Variants in KCNN2 observed in about 807,000 individuals in gnomAD.
KCNN2 encodes the protein small conductance calcium-activated potassium channel protein 2.
Under a neutral mutation model 55.5 loss-of-function variants are expected in KCNN2, and 24 were observed. The observed-to-expected ratio is 0.43, with a 90% CI of 0.31 to 0.61. The LOEUF (loss-of-function observed/expected upper bound fraction) is 0.61, where lower values mean the gene tolerates loss of function less well. Ranked by LOEUF, KCNN2 falls within the 20% of genes least tolerant of loss-of-function variation. KCNN2 has a pLI of 0.08. For synonymous variants in KCNN2, 431 were observed against 336.1 expected, an observed-to-expected ratio of 1.28 and a Z score of -3.09; for missense variants, 754 against 853.6, an observed-to-expected ratio of 0.88 and a Z score of 1.45.
intron 3 of KCNN2, among the ~76,000 whole-genome samples, chr5:114,454,473 C>A (rs538450543): frequency 6.6e-6 from 1 of 152,246 alleles, no homozygotes; most frequent in South Asian, 2.1e-4. Context: ...TTAGGGAATT[C>A]TTGATATTAT....
intron 2 of KCNN2, among the ~76,000 whole-genome samples, chr5:114,233,738 A>G (rs1271537669): frequency 1.3e-5 from 2 of 152,228 alleles, no homozygotes; most frequent in African/African-American, 4.8e-5. Context: ...ATGAGAACAC[A>G]ATGAGACTTT....
upstream of KCNN2, among the ~76,000 whole-genome samples, chr5:114,357,815 A>G (rs1305904443): frequency 5.3e-5 from 8 of 151,788 alleles, no homozygotes; most frequent in African/African-American, 1.7e-4. Context: ...GTATATACCC[A>G]GTAATGGGGT....
intron 2 of KCNN2, among the ~76,000 whole-genome samples, chr5:114,288,499 T>TACACACACACACACACACAC (rs1203371494): frequency 2.1e-5 from 3 of 139,548 alleles, no homozygotes; most frequent in African/African-American, 8.0e-5. Flanking sequence ...TATATATATA[T>TACACACACACACACACACAC]ACACACACAC....
At chr5:114,468,178 A>T (rs192779565) in intron 4 of KCNN2, among the ~76,000 whole-genome samples, 3 of 152,302 alleles carry the variant, frequency 2.0e-5, no homozygotes, top group Admixed American at 2.0e-4. Flanking sequence ...TTGTCATCAA[A>T]ACTTCCTTGA....
At chr5:114,378,643 C>A (rs919623617) in intron 2 of KCNN2, among the ~76,000 whole-genome samples, 19 of 152,058 alleles carry the variant, frequency 1.2e-4, no homozygotes, top group African/African-American at 3.6e-4. Flanking sequence ...GTAGTTGAAA[C>A]TTCTGGTGCC....
In KCNN2 at chr5:114,487,041, T is replaced by C. The variant is rs778534777; in HGVS notation, c.1891-9T>C. The C allele has an allele frequency of 6.2e-7, 1 of 1,612,784 alleles. No individual in the cohort carries two copies. The highest frequency in any genetic ancestry group is 1.1e-5 in the South Asian group (1 of 91,052). On this transcript the variant is annotated splice_polypyrimidine_tract_variant and intron_variant, in intron 5 of 7. Coordinates refer to ENST00000673685, the MANE Select transcript of KCNN2 (RefSeq NM_021614.4). Reference sequence around the variant, plus strand: ...AATTTATCAACTGCTTTGTTTGTTCTCTTAACAGGTAAAAAATGCAGCTGC... The same window carrying C: ...AATTTATCAACTGCTTTGTTTGTTCCCTTAACAGGTAAAAAATGCAGCTGC...
At chr5:114,146,769 A>G (rs900653047) in intron 1 of KCNN2, among the ~76,000 whole-genome samples, 4 of 152,206 alleles carry the variant, frequency 2.6e-5, no homozygotes, top group African/African-American at 9.6e-5. Context: ...ATTAGTATGA[A>G]TGAGTTGATG....
chr5:114,364,660 A>G (rs887791255), intron 2 of KCNN2, among the ~76,000 whole-genome samples: 9 of 150,416 alleles, frequency 6.0e-5, no homozygotes, highest in Admixed American at 2.0e-4. Flanking sequence ...AAATGCAGCC[A>G]GGAGCTCTAT....
chr5:114,295,556 C>T (rs1045934202), intron 2 of KCNN2, among the ~76,000 whole-genome samples: 5 of 152,140 alleles, frequency 3.3e-5, no homozygotes, highest in East Asian at 1.9e-4. Flanking sequence ...ATTGGAAAAG[C>T]GCAGTATTAG....
At chr5:114,272,098 C>T (rs925247112) in intron 2 of KCNN2, among the ~76,000 whole-genome samples, 5 of 152,030 alleles carry the variant, frequency 3.3e-5, no homozygotes, top group Admixed American at 3.3e-4. Context: ...TGATAAACAA[C>T]ACTATAGAAA....
chr5:114,316,319 T>C (rs1182183114), intron 2 of KCNN2, among the ~76,000 whole-genome samples: 7 of 152,158 alleles, frequency 4.6e-5, no homozygotes, highest in African/African-American at 1.7e-4. Flanking sequence ...ACTATTCTCT[T>C]AGAATCAAAG....
rs186133192 is a variant in KCNN2 at position 114,205,576 on chromosome 5, G to C, written c.-270-15904G>C. Among the ~76,000 whole-genome samples, 609 of 152,194 alleles carry C rather than the reference G, an allele frequency of 4.0e-3. 13 individuals are homozygous for C. Among genetic ancestry groups the C allele is most frequent in the Admixed American group, 0.037 (561 of 15,290 alleles). On this transcript the variant is annotated intron_variant, in intron 1 of 10. Transcript: ENST00000512097. ...ATAGAAGAGCAAAACAATAGAATTA[G>C]GACAAATGTAAATGAAATATTAAGC...
chr5:114,425,292 C>G (rs1486792353), intron 3 of KCNN2, among the ~76,000 whole-genome samples: 1 of 152,176 alleles, frequency 6.6e-6, no homozygotes, highest in East Asian at 1.9e-4. Flanking sequence ...CAGCTAGGAG[C>G]TAATATATCA....
chr5:114,430,714 T>A (rs1021770274), intron 3 of KCNN2, among the ~76,000 whole-genome samples: 1 of 152,114 alleles, frequency 6.6e-6, no homozygotes, highest in Non-Finnish European at 1.5e-5. Flanking sequence ...ATATTAACTG[T>A]AATTATAGCT....
In KCNN2 at chr5:114,489,222, G is replaced by A. The variant is rs185604321; in HGVS notation, c.2018+2045G>A. 1.2e-4 allele frequency among the ~76,000 whole-genome samples: 19 copies of A among 152,174 alleles called. No individual in the cohort carries two copies. The East Asian group carries it at 2.9e-3, about 23-fold the overall frequency. ...GAATACATTCACATTCAAAAGCCTG[G>A]GGGAGAATTTAGGGGTTTTTACCGT... is the stretch of plus-strand genomic sequence containing the variant. On this transcript the variant is annotated intron_variant, in intron 6 of 7. Transcript: ENST00000673685.
At chr5:114,203,114 A>T (rs1561521168) in intron 1 of KCNN2, among the ~76,000 whole-genome samples, 1 of 152,198 alleles carries the variant, frequency 6.6e-6, no homozygotes, top group Non-Finnish European at 1.5e-5. Flanking sequence ...GGAGCAGTGA[A>T]TAGAGGATGG....
Position 114,233,609 on chromosome 5 carries a change from T to C in KCNN2, c.-185+12044T>C, listed in dbSNP as rs545298050. Among the ~76,000 whole-genome samples, 6 of 152,276 alleles carry C rather than the reference T, an allele frequency of 3.9e-5. No homozygotes were observed. The South Asian group carries it at 1.2e-3, about 32-fold the overall frequency. On this transcript the variant is annotated intron_variant, in intron 2 of 10. Transcript: ENST00000512097. The stretch of plus-strand genomic sequence containing the variant: ...AACCGCTTTCTTTTTCCTGAACAGA[T>C]ATATACAGTATTGTTTTGCACTTTT...
intron 2 of KCNN2, among the ~76,000 whole-genome samples, chr5:114,336,780 G>A (rs141894001): frequency 7.6e-4 from 116 of 152,182 alleles, no homozygotes; most frequent in African/African-American, 2.6e-3. Context: ...GACAGAAAGC[G>A]CTTTCCATGA....
At chr5:114,296,360 G>C (rs1756011974) in intron 2 of KCNN2, among the ~76,000 whole-genome samples, 1 of 152,130 alleles carries the variant, frequency 6.6e-6, no homozygotes, top group South Asian at 2.1e-4. Flanking sequence ...CTGATGGAAG[G>C]AAGAAGCTGG....
Sources: gnomAD v4.1 joint callset for allele counts (sites outside exome capture counted in the v4.1 genomes callset) on GRCh38, gnomAD v4.1.1 for gene constraint, MANE v1.5 for transcripts, NCBI Gene and HGNC (gene_info 2026-07-23, HGNC 2026-07-21) for gene names.